The following ELAVL4 variants were observed in gnomAD, a reference collection of about 807,000 sequenced individuals.
ELAVL4 encodes the protein ELAV-like protein 4.
A neutral mutation model predicts 35.6 loss-of-function variants in ELAVL4; 1 was observed. The observed-to-expected ratio is 0.03, with a 90% CI of 0.01 to 0.13. The LOEUF is 0.13. ELAVL4 is among the 10% of genes least tolerant of loss of function. ELAVL4 has a pLI of 1.00. For missense variants in ELAVL4, 267 were observed against 464.9 expected (o/e 0.57, Z 3.91); for synonymous variants, 156 against 171.0 (o/e 0.91, Z 0.69).
At chr1:50,082,027 G>A (rs1665034150) in intron 1 of ELAVL4, among the ~76,000 whole-genome samples, 1 of 152,170 alleles carries the variant, frequency 6.6e-6, no homozygotes, top group African/African-American at 2.4e-5. Flanking sequence ...TTTTATGACT[G>A]CATAGTATTC....
chr1:50,122,494 C>G (rs1466175576), intron 1 of ELAVL4, among the ~76,000 whole-genome samples: 1 of 152,106 alleles, frequency 6.6e-6, no homozygotes, highest in East Asian at 1.9e-4. Flanking sequence ...TAAAGAAACA[C>G]TGTACATTTT....
At chr1:50,077,784 G>T (rs1369983193) in intron 1 of ELAVL4, among the ~76,000 whole-genome samples, 1 of 152,156 alleles carries the variant, frequency 6.6e-6, no homozygotes, top group Non-Finnish European at 1.5e-5. Flanking sequence ...TTTATCCAGT[G>T]CTTCCCATAT....
At chr1:50,069,332 T>C (rs918413063) in intron 1 of ELAVL4, among the ~76,000 whole-genome samples, 7 of 152,232 alleles carry the variant, frequency 4.6e-5, no homozygotes, top group African/African-American at 1.7e-4. Context: ...AGCATTTGTA[T>C]ACTGCTCCAC....
intron 3 of ELAVL4, among the ~76,000 whole-genome samples, chr1:50,178,732 G>A (rs879475886): frequency 1.3e-5 from 2 of 152,254 alleles, no homozygotes; most frequent in African/African-American, 2.4e-5. Context: ...AAGTAAAGAC[G>A]GATGCTCATG....
At chr1:50,146,185 A>G (rs1359908504) in intron 2 of ELAVL4, among the ~76,000 whole-genome samples, 1 of 151,942 alleles carries the variant, frequency 6.6e-6, no homozygotes, top group Non-Finnish European at 1.5e-5. Flanking sequence ...AAGCTGCATC[A>G]TTAAAATAGG....
chr1:50,100,988 G>GTTT (rs5774060), upstream of ELAVL4, among the ~76,000 whole-genome samples: 10 of 148,936 alleles, frequency 6.7e-5, no homozygotes, highest in Non-Finnish European at 7.4e-5. Context: ...CCTCCACCAA[G>GTTT]TTTTTTTTTT....
At chr1:50,191,707 G>C (rs1307165792) in intron 3 of ELAVL4, among the ~76,000 whole-genome samples, 1 of 152,160 alleles carries the variant, frequency 6.6e-6, no homozygotes, top group Admixed American at 6.5e-5. Flanking sequence ...GGTGAGATTA[G>C]AGAAAGCTGC....
intron 2 of ELAVL4, among the ~76,000 whole-genome samples, chr1:50,153,589 A>G (rs1051495550): frequency 1.1e-4 from 17 of 152,220 alleles, no homozygotes; most frequent in Non-Finnish European, 2.4e-4. Context: ...AGTGTCAAAG[A>G]AAAGCGAGCC....
chr1:50,173,027 C>T (rs925673235), intron 2 of ELAVL4, among the ~76,000 whole-genome samples: 1 of 152,126 alleles, frequency 6.6e-6, no homozygotes, highest in African/African-American at 2.4e-5. Flanking sequence ...CTCTTTTCCC[C>T]CTCTTCCCCC....
chr1:50,151,334 A>G (rs1162791792), intron 2 of ELAVL4, among the ~76,000 whole-genome samples: 7 of 152,238 alleles, frequency 4.6e-5, no homozygotes, highest in African/African-American at 4.8e-5. Flanking sequence ...GGAAAATAGC[A>G]CACAGTGCAT....
intron 6 of ELAVL4, among the ~76,000 whole-genome samples, chr1:50,198,680 G>A (rs1253073901): frequency 1.3e-5 from 2 of 152,138 alleles, no homozygotes; most frequent in African/African-American, 4.8e-5. Context: ...ATGTTAGTGA[G>A]GTAGTGCTAA....
At chr1:50,140,059 A>G (rs1205802647) in intron 1 of ELAVL4, among the ~76,000 whole-genome samples, 3 of 152,228 alleles carry the variant, frequency 2.0e-5, no homozygotes, top group African/African-American at 7.2e-5. Flanking sequence ...TGCTTTGTAC[A>G]TCCATTAGAG....
At chr1:50,142,937 A>G (rs751062818) in intron 1 of ELAVL4, among the ~76,000 whole-genome samples, 5 of 152,238 alleles carry the variant, frequency 3.3e-5, no homozygotes, top group East Asian at 1.9e-4. Flanking sequence ...TGGGAAGAAC[A>G]ATGCATTGTT....
At chr1:50,095,012 G>A (rs573761937) in intron 1 of ELAVL4, among the ~76,000 whole-genome samples, 2 of 152,216 alleles carry the variant, frequency 1.3e-5, no homozygotes, top group South Asian at 4.2e-4. Context: ...AGTGTGAGAG[G>A]AGTAAGCACT....
intron 1 of ELAVL4, among the ~76,000 whole-genome samples, chr1:50,054,690 T>C (rs781387339): frequency 2.6e-5 from 4 of 152,218 alleles, no homozygotes; most frequent in African/African-American, 9.7e-5. Flanking sequence ...AGCAAATCTA[T>C]GTGAGAGGTG....
chr1:50,087,114 T>A (rs1665281676), intron 1 of ELAVL4, among the ~76,000 whole-genome samples: 1 of 152,244 alleles, frequency 6.6e-6, no homozygotes, highest in East Asian at 1.9e-4. Context: ...CTTCATCATT[T>A]ATTATTTTCC....
At position 50,200,841 on chromosome 1, in the gene ELAVL4, G is replaced by T. The variant is rs1352823026; in HGVS notation, c.774-10G>T. 1 of 1,610,800 alleles carries T rather than the reference G, an allele frequency of 6.2e-7. No individual in the cohort carries two copies. On this transcript the variant is annotated splice_polypyrimidine_tract_variant and intron_variant, in intron 6 of 6. Transcript: ENST00000371824. ...TCTGGACCAGTCCCCCCTTCTGCTT[G>T]TCCCCCCAGGTTCTCCCCAATTACC... is the stretch of plus-strand genomic sequence containing the variant.
chr1:50,146,810 A>G (rs1673806627), intron 2 of ELAVL4, among the ~76,000 whole-genome samples: 1 of 152,212 alleles, frequency 6.6e-6, no homozygotes, highest in African/African-American at 2.4e-5. Context: ...TTCAAAATAC[A>G]GACTCTGCCA....
chr1:50,146,743 C>T (rs1673797583), intron 2 of ELAVL4, among the ~76,000 whole-genome samples: 1 of 152,064 alleles, frequency 6.6e-6, no homozygotes, highest in Non-Finnish European at 1.5e-5. Flanking sequence ...ACCAGTTAAC[C>T]ATATGATTCT....
Sources: allele counts gnomAD v4.1 joint callset (sites outside exome capture counted in the v4.1 genomes callset), GRCh38; gene constraint gnomAD v4.1.1; transcripts MANE v1.5; gene names NCBI Gene and HGNC (gene_info 2026-07-23, HGNC 2026-07-21).